The following SHISA9 variants were observed in gnomAD, a reference collection of about 807,000 sequenced individuals.
The protein encoded by SHISA9 is shisa family member 9, also known as protein shisa-9.
In SHISA9, 13 loss-of-function variants were observed where a neutral mutation model predicts 38.0. That is an observed-to-expected ratio of 0.34 (90% CI 0.22 to 0.54). SHISA9 has a LOEUF of 0.54. SHISA9 is among the 20% of genes least tolerant of loss of function. SHISA9 has a pLI of 0.91. For missense variants in SHISA9, 538 were observed against 575.8 expected, an observed-to-expected ratio of 0.93 and a Z score of 0.67; for synonymous variants, 275 against 242.0, an observed-to-expected ratio of 1.14 and a Z score of -1.27.
intron 2 of SHISA9, among the ~76,000 whole-genome samples, chr16:12,922,837 A>AT (rs1157381577): frequency 6.6e-6 from 1 of 151,366 alleles, no homozygotes; most frequent in Non-Finnish European, 1.5e-5. Flanking sequence ...TCTTTATAGC[A>AT]TTTTGTTCTC....
rs2051025754 is a variant in SHISA9, at chr16:13,203,425, C to G, written c.723C>G (p.Thr241=). ...CCCAGATGAACAACGCAGTGCCCACCTCTCCTCTGCTCCAGCAGATGGGCC... is the reference window on the plus strand; with the variant it reads ...CCCAGATGAACAACGCAGTGCCCACGTCTCCTCTGCTCCAGCAGATGGGCC... ...HATQMNNAVP[T]SPLLQQMGHP... is the part of the protein sequence containing the mutation. The change falls in exon 3 of 5, where the codon ACC becomes ACG. Residue 241 remains threonine, a synonymous_variant. Coordinates refer to ENST00000558583, the MANE Select transcript of SHISA9 (RefSeq NM_001145204.3). 1 of 1,548,674 alleles carries G rather than the reference C, an allele frequency of 6.5e-7. No homozygotes were observed. Among genetic ancestry groups the G allele is most frequent in the African/African-American group, 1.4e-5 (1 of 72,920 alleles).
chr16:12,916,886 C>G, intron 2 of SHISA9, 71 bp downstream of exon 2: 1 of 1,501,486 alleles, frequency 6.7e-7, no homozygotes, highest in Non-Finnish European at 8.9e-7. Context: ...TGCCAGATTT[C>G]GTGGAGTGTG....
At chr16:13,070,795 C>A (rs1311562819) in intron 2 of SHISA9, among the ~76,000 whole-genome samples, 1 of 152,146 alleles carries the variant, frequency 6.6e-6, no homozygotes, top group Non-Finnish European at 1.5e-5. Context: ...AATAACATGG[C>A]TGAGGTCATA....
the SHISA9 span, among the ~76,000 whole-genome samples, chr16:13,405,782 T>C: frequency 6.6e-6 from 1 of 152,154 alleles, no homozygotes; most frequent in Non-Finnish European, 1.5e-5. Context: ...GCTTCATCCA[T>C]GTTGCTCCAA....
chr16:13,104,772 A>G (rs79317971), intron 2 of SHISA9, among the ~76,000 whole-genome samples: 2 of 152,318 alleles, frequency 1.3e-5, no homozygotes, highest in African/African-American at 4.8e-5. Context: ...ACTGGAGGAT[A>G]ATCGAAATTC....
At chr16:13,197,442 C>G (rs1361215855) in intron 2 of SHISA9, among the ~76,000 whole-genome samples, 1 of 152,160 alleles carries the variant, frequency 6.6e-6, no homozygotes, top group Non-Finnish European at 1.5e-5. Context: ...CTCTGAGTTG[C>G]ATCCGTTTTA....
the SHISA9 span, among the ~76,000 whole-genome samples, chr16:13,475,375 C>A: frequency 7.4e-6 from 1 of 135,570 alleles, no homozygotes; most frequent in East Asian, 2.1e-4. Flanking sequence ...ATATATGAAA[C>A]AATTATATAT....
the SHISA9 span, among the ~76,000 whole-genome samples, chr16:13,404,888 T>G: frequency 3.2e-4 from 49 of 152,198 alleles, no homozygotes; most frequent in Admixed American, 2.8e-3. Context: ...TCCATGTTCT[T>G]AAGAGGGACA....
chr16:13,561,740 G>A, the SHISA9 span, among the ~76,000 whole-genome samples: 5 of 152,146 alleles, frequency 3.3e-5, no homozygotes, highest in African/African-American at 1.2e-4. Flanking sequence ...ATGGACTAGG[G>A]GAATTGCTTG....
chr16:13,086,484 T>A (rs1357062698), intron 2 of SHISA9, among the ~76,000 whole-genome samples: 1 of 151,586 alleles, frequency 6.6e-6, no homozygotes, highest in Non-Finnish European at 1.5e-5. Flanking sequence ...GTGAGGAAAT[T>A]AGGAAAGATA....
chr16:13,346,768 C>T, the SHISA9 span, among the ~76,000 whole-genome samples: 4 of 152,100 alleles, frequency 2.6e-5, no homozygotes, highest in Non-Finnish European at 5.9e-5. Context: ...TTTCCCCTAC[C>T]ATACCGTATA....
chr16:13,360,186 G>C, the SHISA9 span, among the ~76,000 whole-genome samples: 3 of 152,208 alleles, frequency 2.0e-5, no homozygotes, highest in Non-Finnish European at 4.4e-5. Context: ...GAGAAAGAGG[G>C]AGAAATGAGT....
At chr16:13,413,817 A>G in the SHISA9 span, among the ~76,000 whole-genome samples, 1 of 150,564 alleles carries the variant, frequency 6.6e-6, no homozygotes, top group South Asian at 2.1e-4. Context: ...AGAGTTGAGT[A>G]TATATATTGG....
At chr16:13,339,533 G>A in the SHISA9 span, among the ~76,000 whole-genome samples, 3 of 152,078 alleles carry the variant, frequency 2.0e-5, no homozygotes, top group African/African-American at 7.2e-5. Context: ...GCATAGAATG[G>A]GTGTTCCCTC....
At chr16:13,487,826 C>T in the SHISA9 span, among the ~76,000 whole-genome samples, 1 of 152,144 alleles carries the variant, frequency 6.6e-6, no homozygotes, top group African/African-American at 2.4e-5. Flanking sequence ...GAATCTGCAA[C>T]ATGTAACCCT....
chr16:13,034,924 G>A (rs1458358444), intron 2 of SHISA9, among the ~76,000 whole-genome samples: 3 of 152,180 alleles, frequency 2.0e-5, no homozygotes, highest in African/African-American at 7.2e-5. Context: ...GCTAAGCTGA[G>A]ACTGAAAGAT....
At chr16:13,515,719 C>A in the SHISA9 span, among the ~76,000 whole-genome samples, 1 of 151,960 alleles carries the variant, frequency 6.6e-6, no homozygotes, top group African/African-American at 2.4e-5. Context: ...TAGAAACACA[C>A]CATAATAAAT....
the SHISA9 span, among the ~76,000 whole-genome samples, chr16:13,335,547 C>T: frequency 6.6e-6 from 1 of 152,168 alleles, no homozygotes; most frequent in African/African-American, 2.4e-5. Context: ...TTGGGACATT[C>T]CTGCTCCGTA....
In SHISA9 at chr16:13,168,935, G is replaced by A. The variant is rs1160912199; in HGVS notation, c.692-34459G>A. ...ATGACGCATGCATCGTGCCTGGCAG[G>A]AACACTTTGCTCAGTGAGTGATTGT... On this transcript the variant is annotated intron_variant, in intron 2 of 4. Coordinates refer to ENST00000558583, the MANE Select transcript of SHISA9 (RefSeq NM_001145204.3). Among the ~76,000 whole-genome samples, 5 of 152,200 alleles carry A rather than the reference G, an allele frequency of 3.3e-5. No homozygotes were observed. In the South Asian group the frequency reaches 1.0e-3, roughly 31 times the overall value.
Sources: gnomAD v4.1 joint callset for allele counts (sites outside exome capture counted in the v4.1 genomes callset) on GRCh38, gnomAD v4.1.1 for gene constraint, MANE v1.5 for transcripts, NCBI Gene and HGNC (gene_info 2026-07-23, HGNC 2026-07-21) for gene names.